Variants in ADAMTSL5 observed in about 807,000 individuals in gnomAD.
ADAMTSL5 encodes ADAMTS-like protein 5.
Under a neutral mutation model 51.7 loss-of-function variants are expected in ADAMTSL5, and 53 were observed. That is an observed-to-expected ratio of 1.03 (90% CI 0.82 to 1.29). The LOEUF is 1.29. Among genes scored for constraint, ADAMTSL5 ranks in the 50% most tolerant of loss-of-function variants. The probability of loss-of-function intolerance (pLI) is 0.00; values close to 1 mark genes in which losing one functional copy is unlikely to be tolerated. For synonymous variants in ADAMTSL5, 285 were observed against 278.7 expected (o/e 1.02, Z -0.23); for missense variants, 770 against 676.2 (o/e 1.14, Z -1.54).
chr19:1,506,267 G>A lies in ADAMTSL5; in HGVS notation c.1164C>T (p.Arg388=). The A allele has an allele frequency of 2.6e-6, 4 of 1,565,386 alleles. No individual in the cohort carries two copies. Among genetic ancestry groups the A allele is most frequent in the Non-Finnish European group, 3.5e-6 (4 of 1,152,552 alleles). The change falls in exon 12 of 12, where the codon CGC becomes CGT. Residue 388 remains arginine, a synonymous_variant. Coordinates refer to ENST00000330475, the MANE Select transcript of ADAMTSL5 (RefSeq NM_213604.3). This position sits in a 1 kb window ranked among gnomAD's most constrained non-coding sequence, Gnocchi z 5.6. ...LGHHHQAQET[R]YEVRIQLVYK... ...AGACGAGCTGGATGCGCACCTCATA[G>A]CGGGTCTCCTGGGCCTGGTGGTGGT...
chr19:1,511,026 T>G lies in ADAMTSL5; in HGVS notation c.-83A>C. On this transcript the variant is annotated 5_prime_UTR_variant, in exon 2 of 12. Coordinates refer to ENST00000330475, the MANE Select transcript of ADAMTSL5 (RefSeq NM_213604.3). ...ATCTTGGAAAGTAACTAAACCTCTC[T>G]GAGCCCTACCTCTCGTCTCTGAAAA... is the stretch of plus-strand genomic sequence containing the variant. 9.3e-7 allele frequency: 1 copy of G among 1,072,934 alleles called. No individual in the cohort carries two copies. The highest frequency in any genetic ancestry group is 1.2e-6 in the Non-Finnish European group (1 of 812,608). The allele number at this position is 1,072,934 out of a possible 1,614,324, so 66.5% of individuals were successfully genotyped here.
intron 7 of ADAMTSL5, 126 bp downstream of exon 7, chr19:1,507,872 C>G: frequency 8.8e-7 from 1 of 1,141,468 alleles, no homozygotes; most frequent in Non-Finnish European, 1.2e-6. Context: ...AGTAGCCAAT[C>G]AGGATGAGGA....
chr19:1,512,877 G>A (rs904059596), intron 1 of ADAMTSL5, 86 bp downstream of exon 1: 1 of 152,360 alleles, frequency 6.6e-6, no homozygotes, highest in Non-Finnish European at 1.5e-5. Flanking sequence ...CTGCAGCCCG[G>A]ACTGGCGGAG....
rs753857812 is a variant in ADAMTSL5 at position 1,508,043 on chromosome 19, C to A, written c.556G>T (p.Ala186Ser). The A allele has an allele frequency of 6.2e-7, 1 of 1,609,054 alleles. No homozygotes were observed. The highest frequency in any genetic ancestry group is 2.2e-5 in the East Asian group (1 of 44,702). ...TGCACGAAAAGGCACGAGTCGTTGG[C>A]GCCTCCGCAGCGGCCACAGCGGTCC... ...LEDRCGRCGG[A>S]NDSCLFVQRV... Residue 186 changes from alanine (A) to serine (S), a missense_variant, in exon 7 of 12, where the codon GCC becomes TCC. Ala to Ser is a moderately conservative substitution (Grantham distance 99). Transcript: ENST00000330475.
In ADAMTSL5 at chr19:1,508,511, C is replaced by T; in HGVS notation, c.421G>A (p.Gly141Ser). ...CAGGCGGTGCCGTCCAGGACGCGGC[C>T]GAAGCTGTGGTAGAAGGCGTGCCCC... ...AEGHAFYHSFGRVLDGTACSP... is the reference protein window; with the variant it reads ...AEGHAFYHSFSRVLDGTACSP... Residue 141 changes from glycine (G) to serine (S), a missense_variant, in exon 6 of 12, where the codon GGC (glycine) becomes AGC (serine). Transcript: ENST00000330475. 2 of 1,586,844 alleles carry T rather than the reference C, an allele frequency of 1.3e-6. No individual in the cohort carries two copies. The highest frequency in any genetic ancestry group is 1.1e-5 in the South Asian group (1 of 88,546).
intron 6 of ADAMTSL5, 156 bp from the exon 7 acceptor site, chr19:1,508,265 C>T: frequency 2.7e-6 from 3 of 1,098,718 alleles, no homozygotes; most frequent in Non-Finnish European, 2.4e-6. Flanking sequence ...ATGGGCTTGG[C>T]GCCCGGGAGT....
chr19:1,510,059 T>C (rs1201312496), intron 5 of ADAMTSL5, 91 bp downstream of exon 5: 6 of 1,049,610 alleles, frequency 5.7e-6, no homozygotes, highest in Non-Finnish European at 6.8e-6. Context: ...TAATACCCTC[T>C]TCTCTTTGCA....
At chr19:1,507,444 C>A in intron 8 of ADAMTSL5, 39 bp from the exon 9 acceptor site, 2 of 1,597,920 alleles carry the variant, frequency 1.3e-6, no homozygotes, top group South Asian at 1.1e-5. Context: ...CCTGTCGTCT[C>A]GTCTCCCAGA....
chr19:1,510,809 C>T (rs770759355), intron 2 of ADAMTSL5, 36 bp downstream of exon 2: 3 of 1,512,434 alleles, frequency 2.0e-6, no homozygotes, highest in Middle Eastern at 1.8e-4. Flanking sequence ...GTCCCCATTC[C>T]CACTCGCCAC....
Position 1,506,494 on chromosome 19 carries a change from G to A in ADAMTSL5, c.1114+96C>T. On this transcript the variant is annotated intron_variant, in intron 11 of 11. Transcript: ENST00000330475. This position sits in a 1 kb window ranked among gnomAD's most constrained non-coding sequence, Gnocchi z 5.6. ...AGGGTCAAGAGGCAAATTAGGATCA[G>A]AAGAAGGGGTCAAGGGTAAAGTCAG... 3 of 1,495,118 alleles carry A rather than the reference G, an allele frequency of 2.0e-6. No homozygotes were observed. The highest frequency in any genetic ancestry group is 1.7e-4 in the Middle Eastern group (1 of 5,772). The allele number at this position is 1,495,118 out of a possible 1,614,324, so 92.6% of individuals were successfully genotyped here. A position where few individuals can be genotyped will look rare whatever the true frequency, so the allele number is the denominator to read the frequency against.
chr19:1,511,060 A>G lies in ADAMTSL5; in HGVS notation c.-117T>C. ...CCTCTCGTCTCTGAAAAACGGGGTA[A>G]TAGAGCCTCCCTTACAGGAAAGTTG... On this transcript the variant is annotated 5_prime_UTR_variant, in exon 2 of 12. Transcript: ENST00000330475. 1 of 770,974 alleles carries G rather than the reference A, an allele frequency of 1.3e-6. No homozygotes were observed. The allele number at this position is 770,974 out of a possible 1,614,324, so 47.8% of individuals were successfully genotyped here.
intron 1 of ADAMTSL5, chr19:1,511,677 C>G (rs1431570286): frequency 1.0e-6 from 1 of 993,170 alleles, no homozygotes; most frequent in South Asian, 1.3e-5. Context: ...CTCAGTTTCC[C>G]CATCTGTGCA....
At position 1,506,527 on chromosome 19, in the gene ADAMTSL5, T is replaced by A. The variant is rs1912932311; in HGVS notation, c.1114+63A>T. 1 of 1,560,122 alleles carries A rather than the reference T, an allele frequency of 6.4e-7. No homozygotes were observed. Among genetic ancestry groups the A allele is most frequent in the African/African-American group, 1.4e-5 (1 of 74,010 alleles). On this transcript the variant is annotated intron_variant, in intron 11 of 11. Transcript: ENST00000330475. The surrounding 1 kb of genome is among the most constrained non-coding windows in gnomAD (Gnocchi z 5.6). Reference sequence around the variant, plus strand: ...GGTCAAGGGTAAAGTCAGATTAGGGTCAGAGGTCAGGAGGAGGCCAGGTTA... The same window carrying A: ...GGTCAAGGGTAAAGTCAGATTAGGGACAGAGGTCAGGAGGAGGCCAGGTTA...
At position 1,505,967 on chromosome 19, in the gene ADAMTSL5, G is replaced by A. The variant is rs758378010; in HGVS notation, c.*48C>T. 2.0e-6 allele frequency: 3 copies of A among 1,471,274 alleles called. No homozygotes were observed. In the South Asian group the frequency reaches 4.1e-5, roughly 20 times the overall value. The allele number at this position is 1,471,274 out of a possible 1,614,324, so 91.1% of individuals were successfully genotyped here. A position where few individuals can be genotyped will look rare whatever the true frequency, so the allele number is the denominator to read the frequency against. ...GGGAAATACGTTGACGTTGAGGCTGGTCAGATGTATCTTTCTTGCTGTGTG... is the reference window on the plus strand; with the variant it reads ...GGGAAATACGTTGACGTTGAGGCTGATCAGATGTATCTTTCTTGCTGTGTG... On this transcript the variant is annotated 3_prime_UTR_variant, in exon 12 of 12. Transcript: ENST00000330475.
rs771843354 is a variant in ADAMTSL5 at position 1,511,617 on chromosome 19, G to A, written c.-217-457C>T. The A allele has an allele frequency of 1.2e-4, 153 of 1,264,928 alleles. 1 individual carries two copies. In the South Asian group the frequency reaches 1.7e-3, roughly 14 times the overall value. 78.4% of individuals were successfully genotyped at this position (1,264,928 alleles called of 1,614,324 possible). Reference sequence around the variant, plus strand: ...CCTCCCCGCCCTCCCCACCATCACTGCTTCTACCTTTCCGTGTGGCCTGAG... The same window carrying A: ...CCTCCCCGCCCTCCCCACCATCACTACTTCTACCTTTCCGTGTGGCCTGAG... On this transcript the variant is annotated intron_variant, in intron 1 of 11. Transcript: ENST00000330475.
chr19:1,511,246 C>T lies in ADAMTSL5; in HGVS notation c.-217-86G>A, dbSNP rs111619550. The T allele has an allele frequency of 5.4e-3, 1,030 of 190,790 alleles. 11 individuals are homozygous for T. Among genetic ancestry groups the T allele is most frequent in the African/African-American group, 0.023 (973 of 42,764 alleles). 11.8% of individuals were successfully genotyped at this position (190,790 alleles called of 1,614,324 possible). A position where few individuals can be genotyped will look rare whatever the true frequency, so the allele number is the denominator to read the frequency against. ...AGGCTGGAGTGCAGGGGTGCGATCTCGGCTCACTGCAACCCTCCCCGGTTC... is the reference window on the plus strand; with the variant it reads ...AGGCTGGAGTGCAGGGGTGCGATCTTGGCTCACTGCAACCCTCCCCGGTTC... On this transcript the variant is annotated intron_variant, in intron 1 of 11. Transcript: ENST00000330475.
chr19:1,510,772 C>T lies in ADAMTSL5; in HGVS notation c.100-42G>A, dbSNP rs368980153. ...AGGCACGGTCAGCCTTGTAGGGGGA[C>T]GCTGGTGACCCCACACTGCTGACTG... On this transcript the variant is annotated intron_variant, in intron 2 of 11. Transcript: ENST00000330475. The T allele has an allele frequency of 8.7e-5, 132 of 1,520,656 alleles. 1 individual carries two copies. The highest frequency in any genetic ancestry group is 4.2e-4 in the South Asian group (34 of 81,182). The allele number at this position is 1,520,656 out of a possible 1,614,324, so 94.2% of individuals were successfully genotyped here.
At chr19:1,507,149 G>T in intron 9 of ADAMTSL5, 93 bp downstream of exon 9, 1 of 1,468,318 alleles carries the variant, frequency 6.8e-7, no homozygotes, top group Non-Finnish European at 9.1e-7. Context: ...CCCCCTTCTG[G>T]CCCCAGTCAC....
Position 1,508,445 on chromosome 19 carries a change from G to C in ADAMTSL5, c.487C>G (p.Leu163Val), listed in dbSNP as rs923245530. The C allele has an allele frequency of 4.5e-6, 7 of 1,552,438 alleles. No homozygotes were observed. In the Admixed American group the frequency reaches 1.3e-4, roughly 29 times the overall value. Residue 163 changes from leucine (L) to valine (V), a missense_variant and splice_region_variant, in exon 6 of 12, where the codon CTT (leucine) becomes GTT (valine). By Grantham distance (32) the Leu-to-Val change is conservative (BLOSUM62 1). Coordinates refer to ENST00000330475, the MANE Select transcript of ADAMTSL5 (RefSeq NM_213604.3). ...GGCGGGGCCTGACGAGTCCTTACAA[G>C]GCAGCGGCCAGCCACGCAGACCCCC... ...AQGVCVAGRC[L>V]SAGCDGLLGS...
Sources: allele counts gnomAD v4.1 joint callset, GRCh38; gene constraint gnomAD v4.1.1; non-coding constraint Gnocchi (gnomAD v3.1); transcripts MANE v1.5; gene names NCBI Gene and HGNC (gene_info 2026-07-23, HGNC 2026-07-21).